CHIA: variants seen among roughly 807,000 people sequenced by gnomAD.
The protein encoded by CHIA is chitinase acidic.
Under a neutral mutation model 53.5 loss-of-function variants are expected in CHIA, and 47 were observed. That is an observed-to-expected ratio of 0.88 (90% CI 0.70 to 1.12). The LOEUF (loss-of-function observed/expected upper bound fraction) is 1.12. Among genes scored for constraint, CHIA ranks in the 50% most tolerant of loss-of-function variants. CHIA has a pLI of 0.00. For missense variants in CHIA, 652 were observed against 592.2 expected (o/e 1.10, Z -1.05); for synonymous variants, 268 against 222.2 (o/e 1.21, Z -1.83).
chr1:111,302,834 C>T (rs1647869930), intron 1 of CHIA, among the ~76,000 whole-genome samples: 1 of 152,082 alleles, frequency 6.6e-6, no homozygotes, highest in African/African-American at 2.4e-5. Context: ...GTATTCATTA[C>T]TGAGAACGGG....
At chr1:111,304,724 T>G (rs1470962658) in intron 1 of CHIA, among the ~76,000 whole-genome samples, 2 of 152,210 alleles carry the variant, frequency 1.3e-5, no homozygotes, top group Admixed American at 1.3e-4. Context: ...ATATTTGCCA[T>G]CAGGTCTTTT....
chr1:111,319,505 AC>A, intron 11 of CHIA, 37 bp downstream of exon 11: 1 of 1,604,848 alleles, frequency 6.2e-7, no homozygotes, highest in Non-Finnish European at 8.5e-7. Context: ...GTGTATAAAT[AC>A]CCCTTCTCCA....
Position 111,315,427 on chromosome 1 carries a change from CT to C in CHIA, c.473del (p.Leu158ArgfsTer21). ...PPQDKHLFTV[L>X]VQEMREAFEQ... is the part of the protein sequence containing the mutation. ...TCAGGACAAGCATCTCTTCACTGTC[CT>C]GGTGCAGGTGGGGAAGGAAGTCCCA... is the stretch of plus-strand genomic sequence containing the variant. On this transcript the variant is annotated frameshift_variant, in exon 6 of 12. Transcript: ENST00000369740. LOFTEE classifies it high-confidence loss of function. 1 of 1,612,818 alleles carries C rather than the reference CT, an allele frequency of 6.2e-7. No homozygotes were observed. Among genetic ancestry groups the C allele is most frequent in the Non-Finnish European group, 8.5e-7 (1 of 1,179,450 alleles).
In CHIA at chr1:111,290,949, T is replaced by C. The variant is rs1331076973; in HGVS notation, c.-70T>C. On this transcript the variant is annotated splice_region_variant and 5_prime_UTR_variant, in exon 1 of 12. Transcript: ENST00000369740. ...GTCTGGTGGTGAATCCTCCATAGTC[T>C]GGTGAGTGTAAATATATATATATCT... 4.3e-6 allele frequency: 2 copies of C among 461,604 alleles called. No individual in the cohort carries two copies. The highest frequency in any genetic ancestry group is 1.4e-4 in the East Asian group (2 of 14,094). 28.6% of individuals were successfully genotyped at this position (461,604 alleles called of 1,614,324 possible).
intron 1 of CHIA, 88 bp downstream of exon 1, chr1:111,291,038 G>T (rs185615770): frequency 2.8e-5 from 9 of 320,382 alleles, no homozygotes; most frequent in Admixed American, 4.3e-5. Flanking sequence ...ATATCAAGTT[G>T]TTTATTATAT....
intron 6 of CHIA, 47 bp from the exon 7 acceptor site, chr1:111,317,634 C>T (rs775546143): frequency 1.9e-6 from 3 of 1,608,350 alleles, no homozygotes; most frequent in Non-Finnish European, 2.6e-6. Flanking sequence ...ATTTAAGGAG[C>T]TAAAATCAGC....
rs756720776 is a variant in CHIA at position 111,320,340 on chromosome 1, C to T, written c.1305C>T (p.Asn435=). The T allele has an allele frequency of 2.9e-5, 47 of 1,614,060 alleles. No individual in the cohort carries two copies. In the South Asian group the frequency reaches 4.0e-4, roughly 14 times the overall value. ...GGSGFCAVRA[N]GLYPVANNRN... ...GTGGATTCTGTGCTGTCAGAGCCAA[C>T]GGCCTCTACCCCGTGGCAAATAACA... The change falls in exon 12 of 12, where the codon AAC becomes AAT. Residue 435 remains asparagine, a synonymous_variant. Transcript: ENST00000369740.
intron 7 of CHIA, 59 bp downstream of exon 7, chr1:111,317,864 G>T: frequency 6.2e-7 from 1 of 1,611,670 alleles, no homozygotes; most frequent in Non-Finnish European, 8.5e-7. Flanking sequence ...CACTAGACTT[G>T]TCCTTGGTCT....
chr1:111,319,627 G>A (rs557919109), intron 11 of CHIA, among the ~76,000 whole-genome samples, 159 bp downstream of exon 11: 4 of 152,284 alleles, frequency 2.6e-5, no homozygotes, highest in Non-Finnish European at 5.9e-5. Flanking sequence ...CCCTTGAACG[G>A]CCATGTCAGG....
chr1:111,308,095 G>A (rs1482455181), intron 1 of CHIA, among the ~76,000 whole-genome samples: 1 of 152,196 alleles, frequency 6.6e-6, no homozygotes, highest in Non-Finnish European at 1.5e-5. Context: ...CATAAACGCA[G>A]TAATTCTTTC....
intron 1 of CHIA, among the ~76,000 whole-genome samples, chr1:111,292,011 C>G (rs1001508447): frequency 5.9e-5 from 9 of 152,036 alleles, no homozygotes; most frequent in Non-Finnish European, 1.0e-4. Context: ...TAAATTAAAT[C>G]TTAAAAATAG....
Position 111,315,311 on chromosome 1 carries a change from T to C in CHIA, c.356T>C (p.Phe119Ser). ...TCTACTCCTGAGAACCGCCAGACTT[T>C]CATCACCTCAGTCATCAAATTCCTG... ...MVSTPENRQT[F>S]ITSVIKFLRQ... is the part of the protein sequence containing the mutation. Residue 119 changes from phenylalanine (F) to serine (S), a missense_variant, in exon 6 of 12, where the codon TTC (phenylalanine) becomes TCC (serine). Phe to Ser is a radical substitution (Grantham distance 155, BLOSUM62 -2). Coordinates refer to ENST00000369740, the MANE Select transcript of CHIA (RefSeq NM_201653.4). The C allele has an allele frequency of 6.2e-7, 1 of 1,613,178 alleles. No individual in the cohort carries two copies. The highest frequency in any genetic ancestry group is 8.5e-7 in the Non-Finnish European group (1 of 1,179,938).
At chr1:111,296,653 G>C (rs1282862601) in intron 1 of CHIA, among the ~76,000 whole-genome samples, 1 of 152,164 alleles carries the variant, frequency 6.6e-6, no homozygotes, top group Non-Finnish European at 1.5e-5. Context: ...CTAAAATCCA[G>C]AGCACCTCTT....
At chr1:111,305,200 TATAC>T (rs1648081444) in intron 1 of CHIA, among the ~76,000 whole-genome samples, 4 of 152,222 alleles carry the variant, frequency 2.6e-5, no homozygotes, top group Admixed American at 2.6e-4. Context: ...TCTCCCAGTA[TATAC>T]AGTTGTTTTT....
At chr1:111,304,013 A>T (rs894921888) in intron 1 of CHIA, among the ~76,000 whole-genome samples, 4 of 152,238 alleles carry the variant, frequency 2.6e-5, no homozygotes, top group Admixed American at 2.0e-4. Flanking sequence ...CAGAAAAAAG[A>T]TTTTTGGTTG....
At chr1:111,299,019 C>T (rs1452257680) in intron 1 of CHIA, among the ~76,000 whole-genome samples, 1 of 152,066 alleles carries the variant, frequency 6.6e-6, no homozygotes, top group Non-Finnish European at 1.5e-5. Flanking sequence ...ACACATACAT[C>T]CTCCCAAGAC....
intron 2 of CHIA, 21 bp from the exon 3 acceptor site, chr1:111,311,668 A>G: frequency 6.2e-7 from 1 of 1,613,968 alleles, no homozygotes; most frequent in Non-Finnish European, 8.5e-7. Flanking sequence ...TTCAAAGTAC[A>G]TGCTTTTTCT....
At chr1:111,296,400 G>T (rs771741989) in intron 1 of CHIA, among the ~76,000 whole-genome samples, 4 of 152,166 alleles carry the variant, frequency 2.6e-5, no homozygotes, top group Non-Finnish European at 4.4e-5. Flanking sequence ...TTGCTGTTCC[G>T]CAGCCTCCAC....
chr1:111,303,588 T>C (rs1372074247), intron 1 of CHIA, among the ~76,000 whole-genome samples: 3 of 152,162 alleles, frequency 2.0e-5, no homozygotes, highest in Admixed American at 2.0e-4. Flanking sequence ...AATTTGAATT[T>C]ACACAGGTTT....
Sources: allele counts gnomAD v4.1 joint callset (sites outside exome capture counted in the v4.1 genomes callset), GRCh38; gene constraint gnomAD v4.1.1; transcripts MANE v1.5; gene names NCBI Gene and HGNC (gene_info 2026-07-23, HGNC 2026-07-21).